CSMD1: variants seen among roughly 807,000 people sequenced by gnomAD.
CSMD1 encodes the protein CUB and Sushi multiple domains 1, also known as CUB and sushi domain-containing protein 1.
A neutral mutation model predicts 417.5 loss-of-function variants in CSMD1; 213 were observed. The ratio of observed to expected loss-of-function variants is 0.51; its 90% CI spans 0.46 to 0.57. The LOEUF (loss-of-function observed/expected upper bound fraction) is 0.57, where lower values mean the gene tolerates loss of function less well. Among genes scored for constraint, CSMD1 ranks in the 20% least tolerant of loss-of-function variants. The pLI, the probability that CSMD1 is intolerant of heterozygous loss-of-function variation, is 0.00. For synonymous variants in CSMD1, 2,862 were observed against 1,736.8 expected (o/e 1.65, Z -16.11); for missense variants, 6,923 against 4,529.7 (o/e 1.53, Z -15.17).
intron 1 of CSMD1, among the ~76,000 whole-genome samples, chr8:4,725,471 G>T (rs552517494): frequency 1.3e-5 from 2 of 152,138 alleles, no homozygotes; most frequent in Non-Finnish European, 2.9e-5. Flanking sequence ...TGATAGCTCA[G>T]AAAATACATA....
chr8:3,608,383 G>C (rs555293722), intron 8 of CSMD1, among the ~76,000 whole-genome samples: 27 of 152,230 alleles, frequency 1.8e-4, no homozygotes, highest in African/African-American at 6.0e-4. Context: ...AGAAGCTCAA[G>C]TTTCAGAGAA....
At chr8:4,623,606 C>T (rs183888877) in intron 2 of CSMD1, among the ~76,000 whole-genome samples, 7 of 151,986 alleles carry the variant, frequency 4.6e-5, no homozygotes, top group Non-Finnish European at 2.9e-5. Context: ...GAGTGATAAA[C>T]TAAATGTGGC....
At chr8:4,176,061 G>A (rs148599083) in intron 3 of CSMD1, among the ~76,000 whole-genome samples, 56 of 152,194 alleles carry the variant, frequency 3.7e-4, no homozygotes, top group African/African-American at 1.2e-3. Context: ...AGAAAAGTGT[G>A]ACTTAGATGT....
chr8:4,233,656 C>T (rs1801874832), intron 3 of CSMD1, among the ~76,000 whole-genome samples: 1 of 152,108 alleles, frequency 6.6e-6, no homozygotes, highest in African/African-American at 2.4e-5. Context: ...CTGTGAGAAG[C>T]AAATTTCTGT....
intron 57 of CSMD1, among the ~76,000 whole-genome samples, chr8:2,967,176 A>AT (rs1367557041): frequency 2.0e-5 from 3 of 152,146 alleles, no homozygotes; most frequent in Non-Finnish European, 4.4e-5. Context: ...TAATCACTGT[A>AT]TTTTTTTAAA....
chr8:3,181,379 T>C (rs572336496), intron 36 of CSMD1, among the ~76,000 whole-genome samples, 165 bp from the exon 37 acceptor site: 5 of 152,362 alleles, frequency 3.3e-5, no homozygotes, highest in Non-Finnish European at 7.4e-5. Context: ...GCCATTCTAT[T>C]TTTCTAGGTA....
intron 23 of CSMD1, among the ~76,000 whole-genome samples, chr8:3,315,437 A>AGTATGTGTGTGT (rs1554512189): frequency 8.1e-6 from 1 of 124,056 alleles, no homozygotes; most frequent in Non-Finnish European, 1.9e-5. Flanking sequence ...AGGTGAAGTG[A>AGTATGTGTGTGT]GTGTGTGTGT....
intron 1 of CSMD1, among the ~76,000 whole-genome samples, chr8:4,969,332 G>T (rs555721206): frequency 1.3e-5 from 2 of 151,808 alleles, no homozygotes; most frequent in African/African-American, 2.4e-5. Flanking sequence ...CAGAATATTG[G>T]CATTTCCTTA....
chr8:3,313,034 G>A (rs58483652), intron 23 of CSMD1, among the ~76,000 whole-genome samples: 5,918 of 151,338 alleles, frequency 0.039, 143 homozygotes, highest in African/African-American at 0.071. Context: ...TGTGTAATAG[G>A]AGAATTCTGA....
At chr8:4,388,894 C>G (rs995982849) in intron 3 of CSMD1, among the ~76,000 whole-genome samples, 2 of 152,174 alleles carry the variant, frequency 1.3e-5, no homozygotes, top group African/African-American at 4.8e-5. Flanking sequence ...TCTTCATCTT[C>G]TCTCATCCAG....
chr8:4,417,694 G>GA lies in CSMD1; in HGVS notation c.415+2258dup, dbSNP rs1797021102. Reference sequence around the variant, plus strand: ...GTCTCTCCAAAATAAAAACTAATGGGAAAAGAGGAAATCTGAGGTATCAGA... The same window carrying GA: ...GTCTCTCCAAAATAAAAACTAATGGGAAAAAGAGGAAATCTGAGGTATCAGA... On this transcript the variant is annotated intron_variant, in intron 3 of 69. Coordinates refer to ENST00000635120, the MANE Select transcript of CSMD1 (RefSeq NM_033225.6). 4.6e-5 allele frequency among the ~76,000 whole-genome samples: 7 copies of GA among 151,984 alleles called. No individual in the cohort carries two copies. The South Asian group carries it at 1.5e-3, about 32-fold the overall frequency.
intron 9 of CSMD1, among the ~76,000 whole-genome samples, chr8:3,578,213 G>A (rs1257042267): frequency 1.3e-5 from 2 of 152,122 alleles, no homozygotes; most frequent in East Asian, 1.9e-4. Flanking sequence ...TAGGTATTTG[G>A]AAAATAGAAA....
At chr8:3,181,299 GC>G (rs1821308474) in intron 36 of CSMD1, 85 bp from the exon 37 acceptor site, 8 of 904,468 alleles carry the variant, frequency 8.8e-6, no homozygotes, top group Middle Eastern at 4.4e-4. Flanking sequence ...TACTTATTAG[GC>G]TTACAAATCC....
chr8:4,543,836 G>C (rs1797517511), intron 2 of CSMD1, among the ~76,000 whole-genome samples: 1 of 152,112 alleles, frequency 6.6e-6, no homozygotes, highest in African/African-American at 2.4e-5. Context: ...TACTAGGAAT[G>C]TGGTGGTATC....
intron 3 of CSMD1, among the ~76,000 whole-genome samples, chr8:4,210,747 C>G (rs1429157447): frequency 1.3e-5 from 2 of 152,086 alleles, no homozygotes; most frequent in Non-Finnish European, 2.9e-5. Context: ...CTTCAACATA[C>G]TGAAATATGA....
chr8:3,635,669 G>C lies in CSMD1; in HGVS notation c.1010-18872C>G, dbSNP rs567591456. On this transcript the variant is annotated intron_variant, in intron 7 of 69. Coordinates refer to ENST00000635120, the MANE Select transcript of CSMD1 (RefSeq NM_033225.6). The stretch of plus-strand genomic sequence containing the variant: ...TGGCTATTTTTTGTATTTTTTAGTA[G>C]AGACGGGGATTCACTGTGTTAGCCA... Among the ~76,000 whole-genome samples the C allele has an allele frequency of 5.3e-5, 8 of 150,954 alleles. No homozygotes were observed. The East Asian group carries it at 1.4e-3, about 26-fold the overall frequency.
At chr8:4,020,475 T>C (rs567499201) in intron 4 of CSMD1, among the ~76,000 whole-genome samples, 1 of 152,308 alleles carries the variant, frequency 6.6e-6, no homozygotes, top group East Asian at 1.9e-4. Flanking sequence ...ATGTGACCGC[T>C]AGGGTCAGGC....
intron 2 of CSMD1, among the ~76,000 whole-genome samples, chr8:4,458,998 G>T (rs1396530983): frequency 6.6e-6 from 1 of 152,208 alleles, no homozygotes; most frequent in African/African-American, 2.4e-5. Context: ...ATTCACGTTT[G>T]TGCAGCTTGG....
At chr8:4,617,935 T>G (rs369518699) in intron 2 of CSMD1, among the ~76,000 whole-genome samples, 27 of 152,262 alleles carry the variant, frequency 1.8e-4, no homozygotes, top group African/African-American at 5.8e-4. Context: ...ACTTGTTAAT[T>G]AACTTTTTAA....
Sources: allele counts gnomAD v4.1 joint callset (sites outside exome capture counted in the v4.1 genomes callset), GRCh38; gene constraint gnomAD v4.1.1; transcripts MANE v1.5; gene names NCBI Gene and HGNC (gene_info 2026-07-23, HGNC 2026-07-21).